Variants in MECOM observed in about 807,000 individuals in gnomAD.
MECOM encodes the protein histone-lysine N-methyltransferase MECOM.
MECOM carries 13 observed loss-of-function variants against 116.3 expected under a neutral mutation model. The ratio of observed to expected loss-of-function variants is 0.11; its 90% confidence interval spans 0.07 to 0.18. The LOEUF is 0.18. Among genes scored for constraint, MECOM ranks in the 10% least tolerant of loss-of-function variants. The pLI is 1.00. For missense variants in MECOM, 1,299 were observed against 1,509.0 expected, an observed-to-expected ratio of 0.86 and a Z score of 2.31; for synonymous variants, 528 against 535.2, an observed-to-expected ratio of 0.99 and a Z score of 0.19.
At chr3:169,618,237 G>A (rs962813246) in intron 1 of MECOM, among the ~76,000 whole-genome samples, 1 of 152,170 alleles carries the variant, frequency 6.6e-6, no homozygotes, top group Non-Finnish European at 1.5e-5. Context: ...AGGTGTCAAG[G>A]TGAGTTTGAA....
At chr3:169,620,415 G>A (rs1009157180) in intron 1 of MECOM, among the ~76,000 whole-genome samples, 1 of 152,158 alleles carries the variant, frequency 6.6e-6, no homozygotes, top group Non-Finnish European at 1.5e-5. Flanking sequence ...AAAATTCTTT[G>A]CCAAATGTTC....
chr3:169,418,443 C>A (rs530324853), intron 1 of MECOM, among the ~76,000 whole-genome samples: 1 of 152,082 alleles, frequency 6.6e-6, no homozygotes, highest in East Asian at 1.9e-4. Flanking sequence ...AGAGACACAA[C>A]AAAAAAACAA....
chr3:169,172,122 T>C (rs1033690705), intron 2 of MECOM, among the ~76,000 whole-genome samples: 55 of 147,684 alleles, frequency 3.7e-4, no homozygotes, highest in African/African-American at 1.3e-3. Flanking sequence ...GAGTGATATA[T>C]GAAAAAATAC....
intron 2 of MECOM, among the ~76,000 whole-genome samples, chr3:169,268,121 A>G (rs1577528483): frequency 6.6e-6 from 1 of 152,318 alleles, no homozygotes; most frequent in East Asian, 1.9e-4. Flanking sequence ...TTCTCCATCT[A>G]CAATGTCCTT....
intron 1 of MECOM, among the ~76,000 whole-genome samples, chr3:169,552,844 C>A (rs1255429369): frequency 7.0e-6 from 1 of 143,720 alleles, no homozygotes; most frequent in Non-Finnish European, 1.5e-5. Flanking sequence ...CGGTGCCATC[C>A]CTAAGTCCCC....
At chr3:169,485,864 A>C (rs1235587136) in intron 1 of MECOM, among the ~76,000 whole-genome samples, 1 of 105,382 alleles carries the variant, frequency 9.5e-6, no homozygotes, top group Admixed American at 1.1e-4. Context: ...TACCATATGT[A>C]TAGTATATAT....
chr3:169,480,752 A>G (rs536154759), intron 1 of MECOM, among the ~76,000 whole-genome samples: 3 of 152,212 alleles, frequency 2.0e-5, no homozygotes, highest in Admixed American at 6.5e-5. Flanking sequence ...ACATCCTAGA[A>G]GCCTGTGCTT....
intron 1 of MECOM, among the ~76,000 whole-genome samples, chr3:169,482,354 C>T (rs1174910356): frequency 5.7e-5 from 6 of 106,174 alleles, no homozygotes; most frequent in Admixed American, 3.7e-4. Flanking sequence ...TTTTTTGAGA[C>T]GGAGTCTCGC....
chr3:169,490,193 G>T (rs1443504028), intron 1 of MECOM, among the ~76,000 whole-genome samples: 2 of 152,164 alleles, frequency 1.3e-5, no homozygotes, highest in Admixed American at 1.3e-4. Flanking sequence ...ACTAATCATT[G>T]TATGAGAGGA....
chr3:169,133,110 TACAC>T lies in MECOM; in HGVS notation c.511-1583_511-1580del, dbSNP rs112130257. On this transcript the variant is annotated intron_variant, in intron 3 of 16. Coordinates refer to ENST00000651503, the MANE Select transcript of MECOM (RefSeq NM_004991.4). ...ATTCTAAATATCTGAGCAAAACACA[TACAC>T]ACACACACACACACACACATACACT... Among the ~76,000 whole-genome samples, 312 of 147,368 alleles carry T rather than the reference TACAC, an allele frequency of 2.1e-3. 2 individuals are homozygous for T. Among genetic ancestry groups the T allele is most frequent in the African/African-American group, 6.3e-3 (255 of 40,424 alleles).
At chr3:169,307,926 T>C (rs1718018275) in intron 2 of MECOM, among the ~76,000 whole-genome samples, 1 of 152,218 alleles carries the variant, frequency 6.6e-6, no homozygotes, top group Non-Finnish European at 1.5e-5. Flanking sequence ...TCCCTACTCA[T>C]GGTGTTCTAC....
chr3:169,382,856 AAAAAAAAATAAAAAAAAT>A (rs1239448167), intron 1 of MECOM, among the ~76,000 whole-genome samples: 1 of 107,576 alleles, frequency 9.3e-6, no homozygotes, highest in East Asian at 5.1e-4. Flanking sequence ...TCTCAAAAAA[AAAAAAAAATAAAAAAAAT>A]AAAAAAAGAA....
chr3:169,100,101 C>CTTTCTTTCTTTTTTT (rs1196989981), intron 12 of MECOM, among the ~76,000 whole-genome samples: 1 of 50,632 alleles, frequency 2.0e-5, no homozygotes, highest in African/African-American at 7.3e-5. Flanking sequence ...TTCTTTCTTT[C>CTTTCTTTCTTTTTTT]TTTTTTTTTT....
chr3:169,528,772 T>C (rs1758238917), intron 1 of MECOM, among the ~76,000 whole-genome samples: 1 of 152,228 alleles, frequency 6.6e-6, no homozygotes, highest in African/African-American at 2.4e-5. Flanking sequence ...GTTTCAGAAT[T>C]CCACAGATGA....
At chr3:169,663,100 G>A (rs544795508) in intron 1 of MECOM, among the ~76,000 whole-genome samples, 88 of 146,100 alleles carry the variant, frequency 6.0e-4, no homozygotes, top group African/African-American at 2.1e-3. Context: ...ACAGCTGGTC[G>A]GTGCGCGGGA....
At chr3:169,374,729 A>G (rs1730725049) in intron 2 of MECOM, among the ~76,000 whole-genome samples, 1 of 151,938 alleles carries the variant, frequency 6.6e-6, no homozygotes, top group African/African-American at 2.4e-5. Context: ...GTAGTAATAT[A>G]TTGTAATTAG....
chr3:169,443,062 A>T (rs1033696420), intron 1 of MECOM, among the ~76,000 whole-genome samples: 5 of 152,158 alleles, frequency 3.3e-5, no homozygotes, highest in Non-Finnish European at 7.4e-5. Flanking sequence ...AAAAATTCAC[A>T]ATGAGTTTAT....
chr3:169,356,323 T>C (rs1198656727), intron 2 of MECOM, among the ~76,000 whole-genome samples: 3 of 151,938 alleles, frequency 2.0e-5, no homozygotes, highest in Non-Finnish European at 4.4e-5. Context: ...CTAAGGATAA[T>C]AAAAGCACAA....
At chr3:169,342,498 T>A (rs986724885) in intron 2 of MECOM, among the ~76,000 whole-genome samples, 2 of 152,160 alleles carry the variant, frequency 1.3e-5, no homozygotes, top group Admixed American at 1.3e-4. Context: ...ATATTATTTA[T>A]AAAATTTTTA....
Sources: gnomAD v4.1 joint callset for allele counts (sites outside exome capture counted in the v4.1 genomes callset) on GRCh38, gnomAD v4.1.1 for gene constraint, MANE v1.5 for transcripts, NCBI Gene and HGNC (gene_info 2026-07-23, HGNC 2026-07-21) for gene names.